The following CTNNA3 variants were observed in gnomAD, a reference collection of about 807,000 sequenced individuals.
The protein encoded by CTNNA3 is catenin alpha 3.
Under a neutral mutation model 95.7 loss-of-function variants are expected in CTNNA3, and 76 were observed. The observed-to-expected ratio is 0.79, with a 90% CI of 0.66 to 0.96. CTNNA3 has a LOEUF of 0.96. Ranked by LOEUF, CTNNA3 falls within the 40% of genes least tolerant of loss-of-function variation. The pLI is 0.00. For synonymous variants in CTNNA3, 431 were observed against 374.4 expected (o/e 1.15, Z -1.74); for missense variants, 1,191 against 1,089.8 (o/e 1.09, Z -1.31).
chr10:66,488,780 AT>A (rs903868434), intron 11 of CTNNA3, among the ~76,000 whole-genome samples: 4 of 151,592 alleles, frequency 2.6e-5, no homozygotes, highest in Admixed American at 1.3e-4. Context: ...GGAGCTAGAG[AT>A]TTTTTTTTAA....
rs192172845 is a variant in CTNNA3, at chr10:67,484,352, C to G, written c.579+37490G>C. Among the ~76,000 whole-genome samples the G allele has an allele frequency of 3.6e-3, 553 of 152,036 alleles. 8 individuals are homozygous for G. The highest frequency in any genetic ancestry group is 0.013 in the African/African-American group (530 of 41,486). On this transcript the variant is annotated intron_variant, in intron 5 of 17. Coordinates refer to ENST00000433211, the MANE Select transcript of CTNNA3 (RefSeq NM_013266.4). ...TGGATTAAATATTTAAATGTAAGAC[C>G]TCAAACTATAGGATTTCCTAGGAAA...
At chr10:66,071,421 AT>A (rs2080431576) in intron 14 of CTNNA3, among the ~76,000 whole-genome samples, 2 of 27,132 alleles carry the variant, frequency 7.4e-5, no homozygotes, top group African/African-American at 2.2e-4. Flanking sequence ...ATGAGGAATT[AT>A]TATTATCCCA....
chr10:67,156,622 T>A (rs944136124), intron 7 of CTNNA3, among the ~76,000 whole-genome samples: 1 of 152,164 alleles, frequency 6.6e-6, no homozygotes, highest in South Asian at 2.1e-4. Flanking sequence ...ATATTTAGTT[T>A]CATTCAACTG....
chr10:66,791,287 T>C (rs940760786), intron 7 of CTNNA3, among the ~76,000 whole-genome samples: 1 of 152,192 alleles, frequency 6.6e-6, no homozygotes, highest in African/African-American at 2.4e-5. Context: ...GGCCTCTGCC[T>C]AACCATCTCT....
intron 9 of CTNNA3, among the ~76,000 whole-genome samples, chr10:66,685,430 T>G (rs544920218): frequency 6.0e-4 from 78 of 130,010 alleles, no homozygotes; most frequent in African/African-American, 2.3e-3. Context: ...TGGAGTGCAG[T>G]GGCGCTATCT....
At chr10:66,485,935 T>C (rs12245707) in intron 11 of CTNNA3, among the ~76,000 whole-genome samples, 5,448 of 152,112 alleles carry the variant, frequency 0.036, 321 homozygotes, top group African/African-American at 0.12. Context: ...GCATTTACAG[T>C]CAATTGACTT....
chr10:67,324,678 G>A (rs1224825823), intron 5 of CTNNA3, among the ~76,000 whole-genome samples: 1 of 151,736 alleles, frequency 6.6e-6, no homozygotes, highest in African/African-American at 2.4e-5. Flanking sequence ...TGTTCTTCAA[G>A]GATATTAGTC....
chr10:66,459,496 C>G (rs1452806258), intron 11 of CTNNA3, among the ~76,000 whole-genome samples: 1 of 152,146 alleles, frequency 6.6e-6, no homozygotes, highest in African/African-American at 2.4e-5. Flanking sequence ...ACTGGCAATA[C>G]CCAAGGGTTT....
In CTNNA3 at chr10:66,107,396, C is replaced by T. The variant is rs560500979; in HGVS notation, c.1885-4147G>A. ...TTATTGTAAAGATAAAACAAGATGACGGACTAGAACATTATTCGGTGACTG... is the reference window on the plus strand; with the variant it reads ...TTATTGTAAAGATAAAACAAGATGATGGACTAGAACATTATTCGGTGACTG... On this transcript the variant is annotated intron_variant, in intron 13 of 17. Transcript: ENST00000433211. Among the ~76,000 whole-genome samples, 139 of 152,188 alleles carry T rather than the reference C, an allele frequency of 9.1e-4. 1 individual carries two copies. The highest frequency in any genetic ancestry group is 3.1e-3 in the African/African-American group (128 of 41,536).
At chr10:67,200,096 T>G (rs903747007) in intron 6 of CTNNA3, among the ~76,000 whole-genome samples, 2 of 152,106 alleles carry the variant, frequency 1.3e-5, no homozygotes, top group African/African-American at 4.8e-5. Flanking sequence ...CAGGGGCACA[T>G]ATCACAATAG....
intron 7 of CTNNA3, among the ~76,000 whole-genome samples, chr10:67,149,076 C>T (rs928148237): frequency 2.6e-5 from 4 of 152,152 alleles, no homozygotes; most frequent in African/African-American, 9.7e-5. Context: ...AGGGGCCTGA[C>T]ATAAAATATA....
At chr10:67,702,999 T>G (rs1216131556) in intron 1 of CTNNA3, among the ~76,000 whole-genome samples, 2 of 151,960 alleles carry the variant, frequency 1.3e-5, no homozygotes, top group Non-Finnish European at 2.9e-5. Flanking sequence ...TACAAACACC[T>G]CTACGCAAAT....
chr10:67,219,142 C>T (rs1864529526), intron 6 of CTNNA3, among the ~76,000 whole-genome samples: 1 of 152,178 alleles, frequency 6.6e-6, no homozygotes, highest in African/African-American at 2.4e-5. Flanking sequence ...TTGGCATTAT[C>T]TCACCTTCTC....
At chr10:65,985,092 T>G (rs2078401175) in intron 16 of CTNNA3, among the ~76,000 whole-genome samples, 1 of 151,206 alleles carries the variant, frequency 6.6e-6, no homozygotes, top group Non-Finnish European at 1.5e-5. Flanking sequence ...TAATTAGTCT[T>G]TATTTGTTTC....
intron 3 of CTNNA3, among the ~76,000 whole-genome samples, chr10:67,575,258 A>G (rs1564751808): frequency 6.6e-6 from 1 of 150,802 alleles, no homozygotes; most frequent in Non-Finnish European, 1.5e-5. Flanking sequence ...TTTCAATCAT[A>G]ATAACTATTT....
intron 14 of CTNNA3, among the ~76,000 whole-genome samples, chr10:66,087,905 A>G (rs2081051352): frequency 6.6e-6 from 1 of 152,120 alleles, no homozygotes; most frequent in Non-Finnish European, 1.5e-5. Flanking sequence ...AGTAGCCTCT[A>G]TCAAAAGATA....
At chr10:66,168,488 C>T (rs543394843) in intron 13 of CTNNA3, among the ~76,000 whole-genome samples, 8 of 152,240 alleles carry the variant, frequency 5.3e-5, no homozygotes, top group African/African-American at 1.9e-4. Context: ...AAGCCAAACT[C>T]ATTATAACCT....
At chr10:67,449,351 C>A (rs550160143) in intron 5 of CTNNA3, among the ~76,000 whole-genome samples, 3 of 152,138 alleles carry the variant, frequency 2.0e-5, no homozygotes, top group African/African-American at 7.2e-5. Flanking sequence ...TCATATGGAA[C>A]CAAAACAGAG....
intron 5 of CTNNA3, among the ~76,000 whole-genome samples, chr10:67,342,730 G>A (rs1254672106): frequency 6.6e-6 from 1 of 152,102 alleles, no homozygotes; most frequent in Non-Finnish European, 1.5e-5. Flanking sequence ...TGGCACCTTT[G>A]TCGAAAATGA....
Sources: gnomAD v4.1 joint callset for allele counts (sites outside exome capture counted in the v4.1 genomes callset) on GRCh38, gnomAD v4.1.1 for gene constraint, MANE v1.5 for transcripts, NCBI Gene and HGNC (gene_info 2026-07-23, HGNC 2026-07-21) for gene names.